ABCB11: variants seen among roughly 807,000 people sequenced by gnomAD.
ABCB11 encodes the protein ATP binding cassette subfamily B member 11.
Under a neutral mutation model 148.0 loss-of-function variants are expected in ABCB11, and 95 were observed. That is an observed-to-expected ratio of 0.64 (90% CI 0.54 to 0.76). ABCB11 has a LOEUF of 0.76. Among genes scored for constraint, ABCB11 ranks in the 30% least tolerant of loss-of-function variants. The probability of loss-of-function intolerance (pLI) is 0.00; values close to 1 mark genes in which losing one functional copy is unlikely to be tolerated. For synonymous variants in ABCB11, 591 were observed against 555.4 expected, an observed-to-expected ratio of 1.06 and a Z score of -0.90; for missense variants, 1,523 against 1,617.8, an observed-to-expected ratio of 0.94 and a Z score of 1.01.
At chr2:168,957,900 G>T in intron 19 of ABCB11, 64 bp downstream of exon 19, 2 of 1,333,452 alleles carry the variant, frequency 1.5e-6, no homozygotes, top group Admixed American at 2.7e-5. Context: ...ACAAAGAGCG[G>T]ACTTATCAAA....
intron 8 of ABCB11, among the ~76,000 whole-genome samples, chr2:168,992,536 G>T (rs1249568294): frequency 6.6e-6 from 1 of 152,102 alleles, no homozygotes; most frequent in African/African-American, 2.4e-5. Context: ...TGATATAGTG[G>T]ATTGAAAAAC....
At chr2:168,944,412 T>A (rs1052816924) in intron 21 of ABCB11, among the ~76,000 whole-genome samples, 193 bp downstream of exon 21, 2 of 152,050 alleles carry the variant, frequency 1.3e-5, no homozygotes, top group African/African-American at 4.8e-5. Context: ...ATATTGATTC[T>A]GGGCACTGCC....
At position 169,018,060 on chromosome 2, in the gene ABCB11, T is replaced by C. The variant is rs1354664196; in HGVS notation, c.66A>G (p.Ser22=). The change falls in exon 2 of 28, where the codon TCA becomes TCG. Residue 22 remains serine (S), a synonymous_variant. Coordinates refer to ENST00000650372, the MANE Select transcript of ABCB11 (RefSeq NM_003742.4). ...AAAAAAGCCACTCACATGATTTATC[T>C]GACTCAAAACCATCATTCTCCTCTC... is the stretch of plus-strand genomic sequence containing the variant. The part of the protein sequence containing the change: ...KFGEENDGFE[S]DKSYNNDKKS... 6.2e-7 allele frequency: 1 copy of C among 1,613,188 alleles called. No individual in the cohort carries two copies. The highest frequency in any genetic ancestry group is 8.5e-7 in the Non-Finnish European group (1 of 1,179,362).
At position 168,965,210 on chromosome 2, in the gene ABCB11, G is replaced by C. The variant is rs575639190; in HGVS notation, c.2076-902C>G. Among the ~76,000 whole-genome samples the C allele has an allele frequency of 2.0e-5, 3 of 151,880 alleles. No homozygotes were observed. In the South Asian group the frequency reaches 6.2e-4, roughly 31 times the overall value. ...TGACTGAGAGAATGTATAAACATAA[G>C]CATGGAGACAGGGGAGGACAGGGTT... On this transcript the variant is annotated intron_variant, in intron 17 of 27. Transcript: ENST00000650372.
chr2:168,957,922 A>T, intron 19 of ABCB11, 42 bp downstream of exon 19: 1 of 1,425,812 alleles, frequency 7.0e-7, no homozygotes, highest in Non-Finnish European at 9.3e-7. Flanking sequence ...TAATAAAATA[A>T]AAGGTATGAG....
At chr2:168,958,153 A>G in intron 18 of ABCB11, 25 bp from the exon 19 acceptor site, 3 of 1,601,456 alleles carry the variant, frequency 1.9e-6, no homozygotes, top group Non-Finnish European at 2.6e-6. Flanking sequence ...GGGTTATATT[A>G]ATCATCTAAA....
At position 168,924,119 on chromosome 2, in the gene ABCB11, C is replaced by T. The variant is rs567086026; in HGVS notation, c.3766-297G>A. Among the ~76,000 whole-genome samples the T allele has an allele frequency of 5.9e-5, 9 of 152,222 alleles. No homozygotes were observed. The East Asian group carries it at 1.2e-3, about 20-fold the overall frequency. ...TCCTGAAATGAAATGAAGAAAACAA[C>T]GGAGGGTAGCAGTTAAGTGGCCATT... is the stretch of plus-strand genomic sequence containing the variant. On this transcript the variant is annotated intron_variant, in intron 27 of 27. Transcript: ENST00000650372.
Position 169,013,431 on chromosome 2 carries a change from G to A in ABCB11, c.230C>T (p.Pro77Leu). The A allele has an allele frequency of 6.2e-7, 1 of 1,613,774 alleles. No individual in the cohort carries two copies. Among genetic ancestry groups the A allele is most frequent in the South Asian group, 1.1e-5 (1 of 91,070 alleles). ...TGTGCCAAAAATGAGTAGCACGCCT[G>A]GCTGGGCTATTCCATGGAGAAATGC... is the stretch of plus-strand genomic sequence containing the variant. ...LCAFLHGIAQ[P>L]GVLLIFGTMT... Residue 77 changes from proline (P) to leucine (L), a missense_variant, in exon 5 of 28, where the codon CCA becomes CTA. By Grantham distance (98) the Pro-to-Leu change is moderately conservative. Coordinates refer to ENST00000650372, the MANE Select transcript of ABCB11 (RefSeq NM_003742.4).
downstream of ABCB11, among the ~76,000 whole-genome samples, chr2:168,920,205 C>G (rs1691033617): frequency 6.6e-6 from 1 of 151,942 alleles, no homozygotes; most frequent in South Asian, 2.1e-4. Flanking sequence ...GTCACACATT[C>G]CTCCTTCTCT....
At chr2:168,988,663 T>C (rs980705301) in intron 9 of ABCB11, among the ~76,000 whole-genome samples, 3 of 152,154 alleles carry the variant, frequency 2.0e-5, no homozygotes, top group Non-Finnish European at 4.4e-5. Flanking sequence ...ATGGTAGTTC[T>C]GTTTTCCATT....
chr2:168,968,336 T>C, intron 17 of ABCB11, 91 bp downstream of exon 17: 1 of 1,230,920 alleles, frequency 8.1e-7, no homozygotes, highest in African/African-American at 1.5e-5. Context: ...GTTTCCTTGT[T>C]GTACCTGAGA....
At chr2:168,960,159 C>T (rs573221366) in intron 18 of ABCB11, among the ~76,000 whole-genome samples, 25 of 151,696 alleles carry the variant, frequency 1.6e-4, no homozygotes, top group African/African-American at 2.2e-4. Context: ...TATCCTGTCA[C>T]GAGAATTCCA....
intron 18 of ABCB11, among the ~76,000 whole-genome samples, chr2:168,960,441 T>C (rs768180562): frequency 1.1e-4 from 17 of 151,694 alleles, no homozygotes; most frequent in Non-Finnish European, 2.4e-4. Flanking sequence ...CCCCACAGGA[T>C]GGTCCACCCA....
chr2:168,979,923 CA>C lies in ABCB11; in HGVS notation c.1139del (p.Leu380TrpfsTer18), dbSNP rs1456723487. 2 of 1,611,224 alleles carry C rather than the reference CA, an allele frequency of 1.2e-6. No homozygotes were observed. Among genetic ancestry groups the C allele is most frequent in the Non-Finnish European group, 1.7e-6 (2 of 1,178,204 alleles). On this transcript the variant is annotated frameshift_variant, in exon 11 of 28. Coordinates refer to ENST00000650372, the MANE Select transcript of ABCB11 (RefSeq NM_003742.4). LOFTEE classifies it high-confidence loss of function. ...CTGCACGTCCAGTTGCAAAGGCTTC[CA>C]AACAAGGAGAGGCATTGCCAAGATT... ...ALNLGNASPC[L>X]EAFATGRAAA...
At chr2:168,919,201 T>C (rs1691005851), downstream of ABCB11, among the ~76,000 whole-genome samples, 1 of 152,136 alleles carries the variant, frequency 6.6e-6, no homozygotes, top group Non-Finnish European at 1.5e-5. Context: ...TATTAAGCTT[T>C]TACATTGATG....
chr2:168,980,989 G>A (rs1158351741), intron 10 of ABCB11, among the ~76,000 whole-genome samples: 5 of 152,190 alleles, frequency 3.3e-5, no homozygotes, highest in African/African-American at 9.6e-5. Context: ...CATAGAGGAT[G>A]TTTCATTGGC....
At chr2:168,996,867 TTC>T in intron 5 of ABCB11, 145 bp from the exon 6 acceptor site, 1 of 238,414 alleles carries the variant, frequency 4.2e-6, no homozygotes, top group Non-Finnish European at 7.6e-6. Flanking sequence ...TATAGTATAT[TTC>T]TATTAGACAT....
intron 17 of ABCB11, among the ~76,000 whole-genome samples, chr2:168,965,940 T>C (rs1268249267): frequency 6.6e-6 from 1 of 151,852 alleles, no homozygotes; most frequent in Admixed American, 6.6e-5. Flanking sequence ...TTCAACACCA[T>C]GCAGTTTCCT....
At chr2:168,934,589 TC>T (rs1691733002) in intron 23 of ABCB11, among the ~76,000 whole-genome samples, 1 of 151,846 alleles carries the variant, frequency 6.6e-6, no homozygotes, top group Non-Finnish European at 1.5e-5. Context: ...TTGGGAGGAG[TC>T]AGCCCTCTTT....
Sources: allele counts gnomAD v4.1 joint callset (sites outside exome capture counted in the v4.1 genomes callset), GRCh38; gene constraint gnomAD v4.1.1; transcripts MANE v1.5; gene names NCBI Gene and HGNC (gene_info 2026-07-23, HGNC 2026-07-21).